Variants in LTN1 observed in about 807,000 individuals in gnomAD.
The protein encoded by LTN1 is listerin E3 ubiquitin protein ligase 1, also known as E3 ubiquitin-protein ligase listerin.
A neutral mutation model predicts 201.2 loss-of-function variants in LTN1; 88 were observed. The observed-to-expected ratio is 0.44, with a 90% confidence interval of 0.37 to 0.52. The LOEUF is 0.52. Ranked by LOEUF, LTN1 falls within the 20% of genes least tolerant of loss-of-function variation. LTN1 has a pLI of 0.00. For missense variants in LTN1, 1,752 were observed against 2,038.7 expected (o/e 0.86, Z 2.71); for synonymous variants, 645 against 713.5 (o/e 0.90, Z 1.53).
At chr21:28,935,738 G>A (rs2084250638) in intron 26 of LTN1, among the ~76,000 whole-genome samples, 1 of 151,772 alleles carries the variant, frequency 6.6e-6, no homozygotes, top group East Asian at 1.9e-4. Context: ...TACTCCGGAG[G>A]CTGAGGCAGG....
chr21:28,944,445 CA>C lies in LTN1; in HGVS notation c.3919del (p.Trp1307GlyfsTer18). ...GNLPVNLISE[W>X]KEFFSQGIHS... is the part of the protein sequence containing the mutation. ...GATGCCTTGGGAAAAAAATTCTTTC[CA>C]TTCACTGATTAGATTTACAGGAAGA... is the stretch of plus-strand genomic sequence containing the variant. On this transcript the variant is annotated frameshift_variant, in exon 22 of 30. Transcript: ENST00000361371. LOFTEE classifies it high-confidence loss of function. 6.2e-7 allele frequency: 1 copy of C among 1,613,998 alleles called. No individual in the cohort carries two copies. Among genetic ancestry groups the C allele is most frequent in the South Asian group, 1.1e-5 (1 of 91,082 alleles).
rs767286828 is a variant in LTN1 at position 28,966,421 on chromosome 21, C to T, written c.2070G>A (p.Arg690=). The T allele has an allele frequency of 6.2e-7, 1 of 1,613,768 alleles. No homozygotes were observed. The highest frequency in any genetic ancestry group is 1.7e-5 in the Admixed American group (1 of 59,944). The change falls in exon 10 of 30, where the codon CGG becomes CGA. Residue 690 remains arginine (R), a synonymous_variant. Coordinates refer to ENST00000361371, the MANE Select transcript of LTN1 (RefSeq NM_015565.3). ...FLVDILYSAL[R]CCDNDMERKK... is the part of the protein sequence containing the mutation. ...TTCTTTCCATATCATTGTCACAGCA[C>T]CGGAGAGCACTGTACAAAATGTCCA...
At chr21:28,973,713 T>C (rs541594964) in intron 6 of LTN1, among the ~76,000 whole-genome samples, 1 of 152,278 alleles carries the variant, frequency 6.6e-6, no homozygotes, top group East Asian at 1.9e-4. Flanking sequence ...TAAAACATTA[T>C]TCTAGAATGC....
chr21:28,974,922 G>A (rs2084603388), intron 6 of LTN1, among the ~76,000 whole-genome samples: 1 of 152,046 alleles, frequency 6.6e-6, no homozygotes, highest in African/African-American at 2.4e-5. Context: ...TGAGAGCTAA[G>A]CCATTTCCCA....
chr21:28,967,307 G>T, intron 9 of LTN1, 128 bp from the exon 10 acceptor site: 1 of 680,920 alleles, frequency 1.5e-6, no homozygotes. Flanking sequence ...GTTGATTGAT[G>T]GCTGGCAGCA....
intron 18 of LTN1, among the ~76,000 whole-genome samples, chr21:28,948,605 G>A (rs1344488728): frequency 6.6e-6 from 1 of 151,700 alleles, no homozygotes; most frequent in Admixed American, 6.6e-5. Flanking sequence ...TATATAGTTG[G>A]GTTTTATTCA....
chr21:28,968,420 T>C (rs2084544226), intron 9 of LTN1, among the ~76,000 whole-genome samples: 1 of 152,166 alleles, frequency 6.6e-6, no homozygotes, highest in Non-Finnish European at 1.5e-5. Flanking sequence ...GCTTCTATAA[T>C]CTCACTAATT....
intron 18 of LTN1, among the ~76,000 whole-genome samples, chr21:28,950,002 T>C (rs2146276295): frequency 6.6e-6 from 1 of 152,272 alleles, no homozygotes; most frequent in African/African-American, 2.4e-5. Context: ...ATTACTATAA[T>C]TCAATAATAT....
chr21:28,953,212 C>A lies in LTN1; in HGVS notation c.3239+5G>T. ...TTTTAAAAACAAATTGAAAGAGATT[C>A]TTACCTGTTAAATAACAGCTGCAAA... On this transcript the variant is annotated splice_donor_5th_base_variant and intron_variant, in intron 17 of 29. Transcript: ENST00000361371. 6.4e-7 allele frequency: 1 copy of A among 1,553,448 alleles called. No homozygotes were observed.
rs140152516 is a variant in LTN1 at position 28,966,710 on chromosome 21, A to G, written c.1781T>C (p.Val594Ala). ...PLRKKPLEDL[V>A]CKLADISINY... ...AATACTTATATCTGCGAGTTTACAG[A>G]CTAAGTCTTCCAAAGGTTTTTTCCT... The change falls in exon 10 of 30, where the codon GTC (valine) becomes GCC (alanine). Residue 594 changes from valine to alanine, a missense_variant. Val to Ala is a moderately conservative substitution (Grantham distance 64, BLOSUM62 0). Transcript: ENST00000361371. The G allele has an allele frequency of 4.3e-5, 69 of 1,614,068 alleles. No homozygotes were observed. The African/African-American group carries it at 8.1e-4, about 19-fold the overall frequency.
chr21:28,986,948 T>G lies in LTN1; in HGVS notation c.43-14A>C, dbSNP rs1222368940. 2.5e-6 allele frequency: 4 copies of G among 1,602,816 alleles called. No homozygotes were observed. The East Asian group carries it at 8.9e-5, about 36-fold the overall frequency. On this transcript the variant is annotated splice_polypyrimidine_tract_variant and intron_variant, in intron 1 of 29. Coordinates refer to ENST00000361371, the MANE Select transcript of LTN1 (RefSeq NM_015565.3). This position sits in a 1 kb window ranked among gnomAD's most constrained non-coding sequence, Gnocchi z 4.1. ...ACTGTTTGAAGGCTGATAAGAAAAT[T>G]ACGGAGAAAAAAGTCAGAGTCCAGG...
chr21:28,992,859 G>A lies in LTN1; in HGVS notation c.-54C>T, dbSNP rs767341921. 7.4e-6 allele frequency: 12 copies of A among 1,613,968 alleles called. No individual in the cohort carries two copies. Among genetic ancestry groups the A allele is most frequent in the African/African-American group, 1.3e-5 (1 of 75,040 alleles). On this transcript the variant is annotated 5_prime_UTR_variant, in exon 1 of 30. Transcript: ENST00000361371. ...CTCAGACCCCGGTTGACACGTCCGGGACACAACTTCCGGCTTCTGGCGGCG... is the reference window on the plus strand; with the variant it reads ...CTCAGACCCCGGTTGACACGTCCGGAACACAACTTCCGGCTTCTGGCGGCG...
chr21:28,992,403 ACTTTAACATTCT>A, intron 1 of LTN1, among the ~76,000 whole-genome samples: 2 of 152,176 alleles, frequency 1.3e-5, no homozygotes, highest in Non-Finnish European at 1.5e-5. Context: ...CAGTGGATTC[ACTTTAACATTCT>A]CCCAACTCTC....
chr21:28,940,282 C>T (rs1432592548), intron 25 of LTN1, among the ~76,000 whole-genome samples: 4 of 152,326 alleles, frequency 2.6e-5, no homozygotes, highest in Middle Eastern at 3.4e-3. Flanking sequence ...CCGGCTCAAA[C>T]TATCTTCAAG....
Position 28,981,302 on chromosome 21 carries a change from T to C in LTN1, c.630-3A>G. 6.8e-7 allele frequency: 1 copy of C among 1,474,350 alleles called. No homozygotes were observed. The highest frequency in any genetic ancestry group is 1.5e-5 in the South Asian group (1 of 66,794). The allele number at this position is 1,474,350 out of a possible 1,614,324, so 91.3% of individuals were successfully genotyped here. On this transcript the variant is annotated splice_region_variant and splice_polypyrimidine_tract_variant and intron_variant, in intron 5 of 29. Transcript: ENST00000361371. ...CTCTTTCTTCCTCTGGAACAGTTCT[T>C]GATATAAAACAAAATAAATATATTT...
intron 25 of LTN1, among the ~76,000 whole-genome samples, chr21:28,939,532 G>A (rs138497196): frequency 7.9e-5 from 12 of 152,072 alleles, no homozygotes; most frequent in Admixed American, 3.9e-4. Flanking sequence ...AAAGTTTTCC[G>A]AAGAAAAATT....
At chr21:28,958,629 AT>A (rs1568844492) in intron 13 of LTN1, 90 bp from the exon 14 acceptor site, 5 of 918,154 alleles carry the variant, frequency 5.4e-6, no homozygotes, top group South Asian at 3.9e-5. Context: ...CAGATCTGAG[AT>A]TTTTTTAAAT....
At position 28,966,898 on chromosome 21, in the gene LTN1, T is replaced by C; in HGVS notation, c.1593A>G (p.Ser531=). The C allele has an allele frequency of 6.2e-7, 1 of 1,613,052 alleles. No homozygotes were observed. The highest frequency in any genetic ancestry group is 8.5e-7 in the Non-Finnish European group (1 of 1,179,726). Residue 531 remains serine, a synonymous_variant, in exon 10 of 30, where the codon TCA becomes TCG. Coordinates refer to ENST00000361371, the MANE Select transcript of LTN1 (RefSeq NM_015565.3). ...VLQKPKSSLK[S]SKKKNGKVRF... Reference sequence around the variant, plus strand: ...TAACCTTACCATTTTTTTTTTTACTTGACTTCAATGAGCTCTTCGGCTTCT... The same window carrying C: ...TAACCTTACCATTTTTTTTTTTACTCGACTTCAATGAGCTCTTCGGCTTCT...
At chr21:28,948,262 TTTTC>T (rs1364018347) in intron 18 of LTN1, among the ~76,000 whole-genome samples, 5 of 150,196 alleles carry the variant, frequency 3.3e-5, no homozygotes, top group African/African-American at 1.2e-4. Flanking sequence ...GTGTCCTTTC[TTTTC>T]TTTCTTTTTT....
Sources: gnomAD v4.1 joint callset for allele counts (sites outside exome capture counted in the v4.1 genomes callset) on GRCh38, gnomAD v4.1.1 for gene constraint, Gnocchi (gnomAD v3.1) non-coding constraint, MANE v1.5 for transcripts, NCBI Gene and HGNC (gene_info 2026-07-23, HGNC 2026-07-21) for gene names.